Variants in ROBO2 observed in about 807,000 individuals in gnomAD.
ROBO2 encodes the protein roundabout homolog 2.
In ROBO2, 53 loss-of-function variants were observed where a neutral mutation model predicts 160.8. That is an observed-to-expected ratio of 0.33 (90% CI 0.26 to 0.41). The LOEUF is 0.41. Among genes scored for constraint, ROBO2 ranks in the 10% least tolerant of loss-of-function variants. The pLI is 1.00. For synonymous variants in ROBO2, 664 were observed against 611.7 expected (o/e 1.09, Z -1.26); for missense variants, 1,577 against 1,722.4 (o/e 0.92, Z 1.49).
chr3:77,315,848 A>C (rs2153426216), intron 2 of ROBO2, among the ~76,000 whole-genome samples: 1 of 152,282 alleles, frequency 6.6e-6, no homozygotes, highest in South Asian at 2.1e-4. Flanking sequence ...TCGTCTTAAA[A>C]AGAGCCAGGG....
chr3:77,094,767 A>G (rs187837824), intron 1 of ROBO2, among the ~76,000 whole-genome samples: 3 of 152,144 alleles, frequency 2.0e-5, no homozygotes, highest in Non-Finnish European at 4.4e-5. Context: ...TTCGATTTGC[A>G]TTTTTCTAAT....
intron 2 of ROBO2, among the ~76,000 whole-genome samples, chr3:76,174,634 C>T (rs569673849): frequency 3.3e-5 from 5 of 151,906 alleles, no homozygotes; most frequent in South Asian, 2.1e-4. Context: ...TTTCCCCATT[C>T]GTTGTTTTTC....
chr3:77,261,362 C>G (rs1372424), intron 2 of ROBO2, among the ~76,000 whole-genome samples: 23,919 of 152,034 alleles, frequency 0.16, 2,651 homozygotes, highest in East Asian at 0.64. Flanking sequence ...TCCAAAGACA[C>G]TTTAAATAAG....
At chr3:76,799,767 A>G (rs2064059772) in intron 2 of ROBO2, among the ~76,000 whole-genome samples, 1 of 152,182 alleles carries the variant, frequency 6.6e-6, no homozygotes, top group South Asian at 2.1e-4. Flanking sequence ...TTGGAAAAAT[A>G]AATATTGTTA....
In ROBO2 at chr3:75,981,466, C is replaced by G. The variant is rs116248964; in HGVS notation, c.109+43864C>G. ...TGATTATTATTCACAAAAAATAACT[C>G]GTGACTCTGTTGAATGCCTACTATG... On this transcript the variant is annotated intron_variant, in intron 2 of 26. Coordinates refer to the ROBO2 transcript ENST00000487694. 2.9e-3 allele frequency among the ~76,000 whole-genome samples: 442 copies of G among 151,090 alleles called. 1 individual carries two copies. Among genetic ancestry groups the G allele is most frequent in the African/African-American group, 0.01 (422 of 41,348 alleles).
chr3:77,402,037 C>T lies in ROBO2; in HGVS notation c.389-75377C>T, dbSNP rs956729003. On this transcript the variant is annotated intron_variant, in intron 2 of 25. Transcript: ENST00000461745. ...AAGACTTGCAACCAACCCAAATGCCCATCAATGATAGACTGGATAAAGAAA... is the reference window on the plus strand; with the variant it reads ...AAGACTTGCAACCAACCCAAATGCCTATCAATGATAGACTGGATAAAGAAA... Among the ~76,000 whole-genome samples the T allele has an allele frequency of 1.2e-4, 19 of 152,252 alleles. No individual in the cohort carries two copies. In the South Asian group the frequency reaches 3.9e-3, roughly 32 times the overall value.
At chr3:77,385,991 A>T (rs1264710877) in intron 2 of ROBO2, among the ~76,000 whole-genome samples, 1 of 152,208 alleles carries the variant, frequency 6.6e-6, no homozygotes, top group African/African-American at 2.4e-5. Flanking sequence ...TTGTCATGTA[A>T]GTCAATTTGT....
chr3:77,239,832 T>C (rs868156852), intron 2 of ROBO2, among the ~76,000 whole-genome samples: 1 of 152,182 alleles, frequency 6.6e-6, no homozygotes, highest in African/African-American at 2.4e-5. Flanking sequence ...AGAGTGCTGA[T>C]TGGTGCATTT....
At chr3:76,713,903 A>G (rs1307320709) in intron 2 of ROBO2, among the ~76,000 whole-genome samples, 1 of 152,078 alleles carries the variant, frequency 6.6e-6, no homozygotes, top group African/African-American at 2.4e-5. Flanking sequence ...ACTGCATTTA[A>G]TTGGATGAAA....
intron 2 of ROBO2, among the ~76,000 whole-genome samples, chr3:76,395,783 A>C (rs1446490813): frequency 6.6e-6 from 1 of 152,178 alleles, no homozygotes; most frequent in Non-Finnish European, 1.5e-5. Flanking sequence ...AAGAAGTTGA[A>C]TCTCTGAATA....
chr3:75,912,064 T>C (rs1946620825), intron 1 of ROBO2, among the ~76,000 whole-genome samples: 1 of 152,326 alleles, frequency 6.6e-6, no homozygotes, highest in East Asian at 1.9e-4. Context: ...AAATGCAATG[T>C]CAGTCTTGCA....
intron 2 of ROBO2, among the ~76,000 whole-genome samples, chr3:76,380,966 A>G (rs1462029789): frequency 6.6e-6 from 1 of 151,996 alleles, no homozygotes. Flanking sequence ...AATTCTTAGC[A>G]TAAGAACTAC....
chr3:76,956,272 T>C (rs2149206766), intron 2 of ROBO2, among the ~76,000 whole-genome samples: 1 of 152,224 alleles, frequency 6.6e-6, no homozygotes, highest in South Asian at 2.1e-4. Flanking sequence ...AGTAAGCTAA[T>C]CTGGGCCAGG....
At chr3:76,186,894 A>C (rs1575795000) in intron 2 of ROBO2, among the ~76,000 whole-genome samples, 1 of 152,070 alleles carries the variant, frequency 6.6e-6, no homozygotes, top group South Asian at 2.1e-4. Context: ...TCGACTTCTC[A>C]GTAGTGTTTG....
intron 2 of ROBO2, among the ~76,000 whole-genome samples, chr3:76,141,351 G>A (rs2071661675): frequency 1.3e-5 from 2 of 149,674 alleles, no homozygotes; most frequent in Admixed American, 1.3e-4. Flanking sequence ...TAATCACAGG[G>A]AAATGTGTGA....
intron 2 of ROBO2, among the ~76,000 whole-genome samples, chr3:77,429,529 G>A (rs1168140642): frequency 6.6e-6 from 1 of 151,864 alleles, no homozygotes; most frequent in African/African-American, 2.4e-5. Flanking sequence ...GAGAGCAAAG[G>A]ACTTTGCAGT....
chr3:76,203,212 T>G (rs1385539095), intron 2 of ROBO2, among the ~76,000 whole-genome samples: 2 of 152,192 alleles, frequency 1.3e-5, no homozygotes, highest in African/African-American at 2.4e-5. Flanking sequence ...AAAGGTTGAC[T>G]GATACGGACT....
At chr3:77,584,591 A>C (rs2153680379) in intron 16 of ROBO2, among the ~76,000 whole-genome samples, 1 of 152,174 alleles carries the variant, frequency 6.6e-6, no homozygotes. Context: ...ATAGCGTTAA[A>C]ATTTTTTAGA....
chr3:76,865,812 A>G (rs1268267916), intron 2 of ROBO2, among the ~76,000 whole-genome samples: 1 of 152,136 alleles, frequency 6.6e-6, no homozygotes, highest in African/African-American at 2.4e-5. Context: ...GATAAAATCA[A>G]TTTCTAGTAC....
Sources: gnomAD v4.1 joint callset for allele counts (sites outside exome capture counted in the v4.1 genomes callset) on GRCh38, gnomAD v4.1.1 for gene constraint, MANE v1.5 for transcripts, NCBI Gene and HGNC (gene_info 2026-07-23, HGNC 2026-07-21) for gene names.